TTC21B: variants seen among roughly 807,000 people sequenced by gnomAD.
TTC21B encodes tetratricopeptide repeat protein 21B.
TTC21B carries 127 observed loss-of-function variants against 175.1 expected under a neutral mutation model. The observed-to-expected ratio is 0.73, with a 90% CI of 0.63 to 0.84. The LOEUF (loss-of-function observed/expected upper bound fraction) is 0.84, where lower values mean the gene tolerates loss of function less well. Ranked by LOEUF, TTC21B falls within the 40% of genes least tolerant of loss-of-function variation. TTC21B has a pLI of 0.00. For synonymous variants in TTC21B, 524 were observed against 524.5 expected, an observed-to-expected ratio of 1.00 and a Z score of 0.01; for missense variants, 1,561 against 1,558.3, an observed-to-expected ratio of 1.00 and a Z score of -0.03.
intron 22 of TTC21B, 34 bp from the exon 23 acceptor site, chr2:165,891,022 A>C (rs1685173711): frequency 1.3e-6 from 2 of 1,539,606 alleles, no homozygotes; most frequent in African/African-American, 2.7e-5. Flanking sequence ...TATGGGCACC[A>C]TTTTATACTG....
intron 22 of TTC21B, among the ~76,000 whole-genome samples, chr2:165,895,781 T>C (rs2105297860): frequency 6.6e-6 from 1 of 152,216 alleles, no homozygotes; most frequent in Admixed American, 6.5e-5. Flanking sequence ...CACAGCATTC[T>C]TTTAAATAAC....
intron 19 of TTC21B, among the ~76,000 whole-genome samples, chr2:165,905,820 C>T (rs929318728): frequency 1.6e-4 from 25 of 152,230 alleles, no homozygotes; most frequent in Admixed American, 7.2e-4. Context: ...AATTGACATA[C>T]GGTTGAACTA....
intron 26 of TTC21B, among the ~76,000 whole-genome samples, chr2:165,881,106 G>A (rs1253064866): frequency 1.3e-5 from 2 of 152,066 alleles, no homozygotes; most frequent in East Asian, 3.8e-4. Flanking sequence ...CAAATACAGA[G>A]ATAAGAGCAT....
chr2:165,892,211 TTAAA>T (rs1446060271), intron 22 of TTC21B, among the ~76,000 whole-genome samples: 1 of 152,188 alleles, frequency 6.6e-6, no homozygotes, highest in Non-Finnish European at 1.5e-5. Flanking sequence ...GTAAAAACCC[TTAAA>T]TAAGCTATTC....
rs1559036324 is a variant in TTC21B, at chr2:165,880,648, TGTGAAAAATCTAGG to T, written c.3805+17_3805+30del. The T allele has an allele frequency of 6.2e-7, 1 of 1,611,420 alleles. No individual in the cohort carries two copies. Among genetic ancestry groups the T allele is most frequent in the African/African-American group, 1.3e-5 (1 of 74,902 alleles). ...ATTAATAAATACAACATAATTTTTC[TGTGAAAAATCTAGG>T]TGATTGCCAAACTCACCTACTGCCG... is the stretch of plus-strand genomic sequence containing the variant. On this transcript the variant is annotated intron_variant, in intron 27 of 28. Coordinates refer to ENST00000243344, the MANE Select transcript of TTC21B (RefSeq NM_024753.5).
chr2:165,912,691 C>G lies in TTC21B; in HGVS notation c.2212-67G>C, dbSNP rs112939454. 2.1e-4 allele frequency: 232 copies of G among 1,102,004 alleles called. 1 individual carries two copies. In the African/African-American group the frequency reaches 3.0e-3, roughly 14 times the overall value. The allele number at this position is 1,102,004 out of a possible 1,614,324, so 68.3% of individuals were successfully genotyped here. Reference sequence around the variant, plus strand: ...ATAACTGGGTCCCATTAAAGGGCAACAGTTCTATAATTAATCTCTACATTT... The same window carrying G: ...ATAACTGGGTCCCATTAAAGGGCAAGAGTTCTATAATTAATCTCTACATTT... On this transcript the variant is annotated intron_variant, in intron 16 of 28. Coordinates refer to ENST00000243344, the MANE Select transcript of TTC21B (RefSeq NM_024753.5).
At position 165,929,143 on chromosome 2, in the gene TTC21B, G is replaced by A; in HGVS notation, c.1378C>T (p.Pro460Ser). ...EIVMEYLSFC[P>S]MQPASPGQPL... Reference sequence around the variant, plus strand: ...GTCCCATAATTACTTACCTGCATTGGACAGAAGCTCAGATACTCCATAACA... The same window carrying A: ...GTCCCATAATTACTTACCTGCATTGAACAGAAGCTCAGATACTCCATAACA... The change falls in exon 11 of 29, where the codon CCA becomes TCA. Residue 460 changes from proline (P) to serine (S), a missense_variant. Coordinates refer to ENST00000243344, the MANE Select transcript of TTC21B (RefSeq NM_024753.5). The A allele has an allele frequency of 6.2e-7, 1 of 1,612,534 alleles. No homozygotes were observed. The highest frequency in any genetic ancestry group is 8.5e-7 in the Non-Finnish European group (1 of 1,178,990).
chr2:165,912,706 T>C, intron 16 of TTC21B, 82 bp from the exon 17 acceptor site: 1 of 986,636 alleles, frequency 1.0e-6, no homozygotes, highest in Non-Finnish European at 1.6e-6. Flanking sequence ...CTATAATTAA[T>C]CTCTACATTT....
At chr2:165,944,246 C>T (rs1282730120) in intron 4 of TTC21B, among the ~76,000 whole-genome samples, 3 of 152,148 alleles carry the variant, frequency 2.0e-5, no homozygotes, top group Non-Finnish European at 4.4e-5. Flanking sequence ...TCTTACTGTT[C>T]TGCCAGCACC....
intron 22 of TTC21B, among the ~76,000 whole-genome samples, chr2:165,896,169 G>A (rs1430727789): frequency 6.6e-6 from 1 of 152,052 alleles, no homozygotes; most frequent in Admixed American, 6.6e-5. Flanking sequence ...AGGTGGTGGG[G>A]TTTAGAAGAA....
At chr2:165,953,643 G>A in intron 1 of TTC21B, 42 bp downstream of exon 1, 2 of 1,372,880 alleles carry the variant, frequency 1.5e-6, no homozygotes, top group Non-Finnish European at 1.9e-6. Flanking sequence ...AAGGAACTCC[G>A]CCCGCCCGCC....
Position 165,880,667 on chromosome 2 carries a change from T to C in TTC21B, c.3805+12A>G. The C allele has an allele frequency of 6.2e-7, 1 of 1,613,370 alleles. No homozygotes were observed. Among genetic ancestry groups the C allele is most frequent in the Admixed American group, 1.7e-5 (1 of 60,012 alleles). On this transcript the variant is annotated intron_variant, in intron 27 of 28. Coordinates refer to ENST00000243344, the MANE Select transcript of TTC21B (RefSeq NM_024753.5). ...TTTTTCTGTGAAAAATCTAGGTGAT[T>C]GCCAAACTCACCTACTGCCGGATTT...
intron 24 of TTC21B, among the ~76,000 whole-genome samples, chr2:165,889,889 A>C (rs983396006): frequency 1.3e-5 from 2 of 152,136 alleles, no homozygotes; most frequent in Non-Finnish European, 2.9e-5. Context: ...TTATGTCCTA[A>C]TACATTCCCC....
chr2:165,910,747 C>G (rs1006181825), intron 18 of TTC21B, among the ~76,000 whole-genome samples: 6 of 152,098 alleles, frequency 3.9e-5, no homozygotes, highest in African/African-American at 1.4e-4. Context: ...TATCACTCAT[C>G]AAAGAAATGC....
intron 11 of TTC21B, among the ~76,000 whole-genome samples, chr2:165,926,027 T>C (rs1686615870): frequency 6.6e-6 from 1 of 152,170 alleles, no homozygotes; most frequent in Non-Finnish European, 1.5e-5. Flanking sequence ...TAAGATATCG[T>C]TTGTTCAATT....
At chr2:165,925,853 G>T (rs1686606904) in intron 11 of TTC21B, among the ~76,000 whole-genome samples, 1 of 152,014 alleles carries the variant, frequency 6.6e-6, no homozygotes, top group Non-Finnish European at 1.5e-5. Context: ...AAAAATATCT[G>T]TTTTTTTCAG....
At chr2:165,917,642 T>A (rs144586721) in intron 13 of TTC21B, among the ~76,000 whole-genome samples, 161 bp from the exon 14 acceptor site, 1 of 152,214 alleles carries the variant, frequency 6.6e-6, no homozygotes, top group Non-Finnish European at 1.5e-5. Flanking sequence ...TGATTATGTA[T>A]CACATTAAAT....
intron 6 of TTC21B, 65 bp downstream of exon 6, chr2:165,940,962 A>G: frequency 6.3e-7 from 1 of 1,576,032 alleles, no homozygotes; most frequent in Non-Finnish European, 8.7e-7. Flanking sequence ...AAATTCACAG[A>G]TGTCGCTTTT....
At chr2:165,888,578 A>G in intron 24 of TTC21B, 104 bp from the exon 25 acceptor site, 2 of 827,060 alleles carry the variant, frequency 2.4e-6, no homozygotes, top group Non-Finnish European at 3.9e-6. Flanking sequence ...ACTCTTTTAT[A>G]CTCTTTTTGT....
Sources: allele counts gnomAD v4.1 joint callset (sites outside exome capture counted in the v4.1 genomes callset), GRCh38; gene constraint gnomAD v4.1.1; transcripts MANE v1.5; gene names NCBI Gene and HGNC (gene_info 2026-07-23, HGNC 2026-07-21).